The following RCOR1 variants were observed in gnomAD, a reference collection of about 807,000 sequenced individuals.
RCOR1 encodes REST corepressor 1.
A neutral mutation model predicts 64.0 loss-of-function variants in RCOR1; 12 were observed. That is an observed-to-expected ratio of 0.19 (90% confidence interval 0.12 to 0.30). The LOEUF (loss-of-function observed/expected upper bound fraction) is 0.30. RCOR1 is among the 10% of genes least tolerant of loss of function. RCOR1 has a pLI of 1.00. For synonymous variants in RCOR1, 279 were observed against 227.2 expected (o/e 1.23, Z -2.05); for missense variants, 502 against 621.2 (o/e 0.81, Z 2.04).
chr14:102,711,096 C>A, intron 7 of RCOR1, 83 bp downstream of exon 7: 1 of 881,338 alleles, frequency 1.1e-6, no homozygotes, highest in Non-Finnish European at 1.8e-6. Flanking sequence ...GCTTGTTCTA[C>A]TTAATATATT....
intron 2 of RCOR1, among the ~76,000 whole-genome samples, chr14:102,637,679 G>C (rs1347399397): frequency 6.6e-6 from 1 of 151,722 alleles, no homozygotes; most frequent in African/African-American, 2.4e-5. Flanking sequence ...GAACTTAGGA[G>C]TTCAAAACGA....
chr14:102,678,686 T>C (rs771932464), intron 2 of RCOR1, among the ~76,000 whole-genome samples: 1 of 152,254 alleles, frequency 6.6e-6, no homozygotes, highest in Non-Finnish European at 1.5e-5. Context: ...AATATAATTA[T>C]GTCTTTGTAA....
intron 2 of RCOR1, among the ~76,000 whole-genome samples, chr14:102,637,084 T>C (rs945564124): frequency 6.6e-6 from 1 of 152,092 alleles, no homozygotes; most frequent in African/African-American, 2.4e-5. Context: ...TATATATGGT[T>C]AGTTTGGCTG....
chr14:102,617,872 G>A (rs1232724434), intron 2 of RCOR1, among the ~76,000 whole-genome samples: 1 of 151,520 alleles, frequency 6.6e-6, no homozygotes, highest in African/African-American at 2.4e-5. Flanking sequence ...ACAGGCGTGA[G>A]CCACCGTGCC....
At chr14:102,678,118 A>G (rs1895229189) in intron 2 of RCOR1, among the ~76,000 whole-genome samples, 1 of 151,548 alleles carries the variant, frequency 6.6e-6, no homozygotes, top group Non-Finnish European at 1.5e-5. Context: ...CAGGAGAATC[A>G]GGCAGGGAGG....
At chr14:102,692,648 TAAACC>T (rs1353816953) in intron 3 of RCOR1, among the ~76,000 whole-genome samples, 5 of 152,138 alleles carry the variant, frequency 3.3e-5, no homozygotes, top group Non-Finnish European at 7.4e-5. Context: ...AATTAAAAAT[TAAACC>T]GAGTTTTGAT....
chr14:102,665,020 GT>G (rs1204404477), intron 2 of RCOR1, among the ~76,000 whole-genome samples: 1 of 151,118 alleles, frequency 6.6e-6, no homozygotes, highest in Non-Finnish European at 1.5e-5. Flanking sequence ...TTTTTTTGTT[GT>G]TTTTTGGAGA....
At chr14:102,725,302 C>G (rs918289176) in intron 11 of RCOR1, among the ~76,000 whole-genome samples, 1 of 152,208 alleles carries the variant, frequency 6.6e-6, no homozygotes, top group Non-Finnish European at 1.5e-5. Context: ...CCAGTTGTTT[C>G]TCCAGCAATG....
chr14:102,653,794 A>G (rs1894643758), intron 2 of RCOR1, among the ~76,000 whole-genome samples: 1 of 151,892 alleles, frequency 6.6e-6, no homozygotes, highest in South Asian at 2.1e-4. Context: ...CATGATTATA[A>G]GTTTACTGAG....
chr14:102,653,131 C>A (rs1894626104), intron 2 of RCOR1, among the ~76,000 whole-genome samples: 1 of 152,082 alleles, frequency 6.6e-6, no homozygotes, highest in African/African-American at 2.4e-5. Context: ...ACCATGTTGG[C>A]AAGGATGATC....
intron 3 of RCOR1, among the ~76,000 whole-genome samples, chr14:102,692,710 C>CTCCT (rs35869950): frequency 0.24 from 28,504 of 118,492 alleles, 3,885 homozygotes; most frequent in East Asian, 0.37. Context: ...AACTACATCT[C>CTCCT]TCCTTCCTTC....
At chr14:102,649,256 A>T (rs1158496706) in intron 2 of RCOR1, among the ~76,000 whole-genome samples, 1 of 152,180 alleles carries the variant, frequency 6.6e-6, no homozygotes, top group Non-Finnish European at 1.5e-5. Flanking sequence ...AATAGTATTT[A>T]CTAGTCATAA....
intron 2 of RCOR1, among the ~76,000 whole-genome samples, chr14:102,668,141 T>C (rs1165469768): frequency 1.3e-5 from 2 of 152,194 alleles, no homozygotes; most frequent in African/African-American, 2.4e-5. Context: ...AAATCTCTTA[T>C]TCATGTGGCT....
intron 2 of RCOR1, among the ~76,000 whole-genome samples, chr14:102,598,287 G>C (rs907433215): frequency 6.6e-6 from 1 of 152,094 alleles, no homozygotes; most frequent in Admixed American, 6.6e-5. Context: ...CTTATTTGCG[G>C]TATGCCAGCT....
At chr14:102,614,008 G>A (rs1893693866) in intron 2 of RCOR1, among the ~76,000 whole-genome samples, 1 of 146,398 alleles carries the variant, frequency 6.8e-6, no homozygotes, top group Non-Finnish European at 1.5e-5. Context: ...GGATTCGCCT[G>A]CCTCAGCTTC....
intron 2 of RCOR1, among the ~76,000 whole-genome samples, chr14:102,595,225 A>G (rs1291069551): frequency 2.0e-5 from 3 of 152,184 alleles, no homozygotes; most frequent in Non-Finnish European, 1.5e-5. Flanking sequence ...CATTTATCAG[A>G]TTGCAGTAGC....
intron 8 of RCOR1, among the ~76,000 whole-genome samples, chr14:102,717,710 A>G (rs951602956): frequency 6.6e-6 from 1 of 152,094 alleles, no homozygotes; most frequent in African/African-American, 2.4e-5. Flanking sequence ...ATATTGAGAA[A>G]AGAAAAAGAG....
At chr14:102,619,306 G>T (rs556433362) in intron 2 of RCOR1, among the ~76,000 whole-genome samples, 3 of 152,206 alleles carry the variant, frequency 2.0e-5, no homozygotes, top group African/African-American at 7.2e-5. Flanking sequence ...TTTTAGTAGA[G>T]TTGGGGTTTC....
intron 2 of RCOR1, among the ~76,000 whole-genome samples, chr14:102,622,256 C>CT (rs1248952528): frequency 6.6e-6 from 1 of 152,146 alleles, no homozygotes; most frequent in African/African-American, 2.4e-5. Context: ...CCTGTAGCCT[C>CT]TTTCAGCAGA....
Sources: gnomAD v4.1 joint callset for allele counts (sites outside exome capture counted in the v4.1 genomes callset) on GRCh38, gnomAD v4.1.1 for gene constraint, MANE v1.5 for transcripts, NCBI Gene and HGNC (gene_info 2026-07-23, HGNC 2026-07-21) for gene names.